The following DGKB variants were observed in gnomAD, a reference collection of about 807,000 sequenced individuals.
The protein encoded by DGKB is diacylglycerol kinase beta, also known as 90 kDa diacylglycerol kinase.
A neutral mutation model predicts 114.3 loss-of-function variants in DGKB; 67 were observed. That is an observed-to-expected ratio of 0.59 (90% CI 0.48 to 0.72). The LOEUF (loss-of-function observed/expected upper bound fraction) is 0.72, where lower values mean the gene tolerates loss of function less well. DGKB is among the 30% of genes least tolerant of loss of function. The probability of loss-of-function intolerance (pLI) is 0.00; values close to 1 mark genes in which losing one functional copy is unlikely to be tolerated. For missense variants in DGKB, 907 were observed against 975.2 expected, an observed-to-expected ratio of 0.93 and a Z score of 0.93; for synonymous variants, 398 against 323.1, an observed-to-expected ratio of 1.23 and a Z score of -2.49.
intron 20 of DGKB, among the ~76,000 whole-genome samples, chr7:14,565,897 T>G (rs962492790): frequency 6.6e-6 from 1 of 152,156 alleles, no homozygotes; most frequent in Non-Finnish European, 1.5e-5. Context: ...TTCCTTTAAG[T>G]GAGCAGCCAG....
intron 17 of DGKB, among the ~76,000 whole-genome samples, chr7:14,606,655 G>A (rs141795510): frequency 3.6e-4 from 54 of 151,452 alleles, no homozygotes; most frequent in African/African-American, 1.2e-3. Context: ...CACTTCATGT[G>A]GTCTAATGTT....
intron 1 of DGKB, among the ~76,000 whole-genome samples, chr7:14,859,836 G>C (rs2128177116): frequency 6.6e-6 from 1 of 152,048 alleles, no homozygotes; most frequent in Admixed American, 6.6e-5. Flanking sequence ...TTGTGTTAAA[G>C]CCAATGATCC....
intron 21 of DGKB, among the ~76,000 whole-genome samples, chr7:14,466,131 T>G (rs1780435711): frequency 1.3e-5 from 2 of 152,192 alleles, no homozygotes; most frequent in Non-Finnish European, 2.9e-5. Context: ...TGTCAGTGGT[T>G]TGGTGACTAT....
At chr7:14,443,303 C>A (rs1049260325) in intron 21 of DGKB, among the ~76,000 whole-genome samples, 14 of 152,048 alleles carry the variant, frequency 9.2e-5, no homozygotes, top group Admixed American at 8.5e-4. Context: ...GTTGACCTCT[C>A]AATCAGACAC....
At chr7:14,376,836 A>T (rs1262039092) in intron 21 of DGKB, among the ~76,000 whole-genome samples, 1 of 152,168 alleles carries the variant, frequency 6.6e-6, no homozygotes. Flanking sequence ...TCAAATTGTA[A>T]TCTTGTTCCT....
chr7:14,799,796 T>C (rs369141922), intron 2 of DGKB, among the ~76,000 whole-genome samples: 32 of 152,180 alleles, frequency 2.1e-4, no homozygotes, highest in African/African-American at 7.7e-4. Flanking sequence ...GCCATGACAA[T>C]TGGGCCATAT....
At chr7:14,740,034 GC>G (rs1832343229) in intron 4 of DGKB, among the ~76,000 whole-genome samples, 1 of 152,230 alleles carries the variant, frequency 6.6e-6, no homozygotes, top group Non-Finnish European at 1.5e-5. Context: ...CTGAGCCGCA[GC>G]TGCTGCCCAG....
At chr7:14,616,810 A>G (rs748227593) in intron 15 of DGKB, among the ~76,000 whole-genome samples, 1 of 151,854 alleles carries the variant, frequency 6.6e-6, no homozygotes, top group South Asian at 2.1e-4. Flanking sequence ...CTTGAGATAC[A>G]GTAATACGGT....
At chr7:14,622,181 A>T (rs1217500044) in intron 14 of DGKB, among the ~76,000 whole-genome samples, 1 of 152,096 alleles carries the variant, frequency 6.6e-6, no homozygotes, top group Non-Finnish European at 1.5e-5. Context: ...CAAATCTTTC[A>T]GCAGCATCTG....
At chr7:14,591,542 C>G (rs1801710402) in intron 17 of DGKB, among the ~76,000 whole-genome samples, 1 of 151,912 alleles carries the variant, frequency 6.6e-6, no homozygotes, top group Non-Finnish European at 1.5e-5. Flanking sequence ...TCAGACACTT[C>G]TTTTTTTATC....
At chr7:14,870,724 G>C (rs557535683) in intron 1 of DGKB, among the ~76,000 whole-genome samples, 6 of 152,154 alleles carry the variant, frequency 3.9e-5, no homozygotes, top group Admixed American at 6.6e-5. Context: ...GAACCCAGGA[G>C]GGGGAGGTTG....
intron 2 of DGKB, among the ~76,000 whole-genome samples, chr7:14,767,146 A>G (rs1256453957): frequency 6.6e-6 from 1 of 151,710 alleles, no homozygotes; most frequent in Non-Finnish European, 1.5e-5. Flanking sequence ...TTTTTTAAAA[A>G]AAGAGAAAAA....
intron 20 of DGKB, among the ~76,000 whole-genome samples, chr7:14,534,722 A>G (rs987107949): frequency 1.3e-5 from 2 of 152,216 alleles, no homozygotes; most frequent in Admixed American, 6.5e-5. Context: ...AAGAAAAAAT[A>G]CAAGAGACAA....
intron 13 of DGKB, among the ~76,000 whole-genome samples, chr7:14,649,291 G>T (rs888800519): frequency 1.3e-5 from 2 of 151,482 alleles, no homozygotes; most frequent in East Asian, 3.9e-4. Flanking sequence ...ACTAACAGCG[G>T]ATCTCTCGGC....
chr7:14,380,377 A>T (rs1410623395), intron 21 of DGKB, among the ~76,000 whole-genome samples: 1 of 152,106 alleles, frequency 6.6e-6, no homozygotes, highest in African/African-American at 2.4e-5. Flanking sequence ...GGTTATTCTA[A>T]AGAAAATAAA....
chr7:14,887,782 C>G (rs539153648), intron 1 of DGKB, among the ~76,000 whole-genome samples: 1 of 151,846 alleles, frequency 6.6e-6, no homozygotes, highest in South Asian at 2.1e-4. Context: ...TACTCTCTAT[C>G]TTCTCCAAGA....
intron 23 of DGKB, among the ~76,000 whole-genome samples, chr7:14,231,107 CTTT>C (rs1791720241): frequency 8.2e-6 from 1 of 122,454 alleles, no homozygotes; most frequent in South Asian, 2.9e-4. Context: ...TTCTTTCTTT[CTTT>C]CTTTCTTTCT....
At chr7:14,679,851 G>A (rs1820526560) in intron 12 of DGKB, among the ~76,000 whole-genome samples, 1 of 151,962 alleles carries the variant, frequency 6.6e-6, no homozygotes, top group Non-Finnish European at 1.5e-5. Flanking sequence ...TAAATGTTCT[G>A]AGGTAAATAT....
intron 21 of DGKB, among the ~76,000 whole-genome samples, chr7:14,391,614 A>G (rs1451135786): frequency 6.6e-6 from 1 of 152,152 alleles, no homozygotes; most frequent in African/African-American, 2.4e-5. Context: ...TGAGAGGATC[A>G]CTTGAGCCTG....
Sources: gnomAD v4.1 joint callset for allele counts (sites outside exome capture counted in the v4.1 genomes callset) on GRCh38, gnomAD v4.1.1 for gene constraint, MANE v1.5 for transcripts, NCBI Gene and HGNC (gene_info 2026-07-23, HGNC 2026-07-21) for gene names.